RIMBP2: variants seen among roughly 807,000 people sequenced by gnomAD.
RIMBP2 encodes RIMS binding protein 2.
In RIMBP2, 48 loss-of-function variants were observed where a neutral mutation model predicts 118.6. The ratio of observed to expected loss-of-function variants is 0.40; its 90% confidence interval spans 0.32 to 0.51. The LOEUF (loss-of-function observed/expected upper bound fraction) is 0.51, where lower values mean the gene tolerates loss of function less well. RIMBP2 is among the 20% of genes least tolerant of loss of function. RIMBP2 has a pLI of 0.41. For synonymous variants in RIMBP2, 762 were observed against 742.9 expected (o/e 1.03, Z -0.42); for missense variants, 1,551 against 1,768.3 (o/e 0.88, Z 2.20).
At chr12:130,610,972 T>A (rs2060506827) in intron 2 of RIMBP2, among the ~76,000 whole-genome samples, 1 of 152,172 alleles carries the variant, frequency 6.6e-6, no homozygotes, top group Non-Finnish European at 1.5e-5. Context: ...CCACTCTGCC[T>A]CCGAGTTCCC....
chr12:130,639,471 G>A (rs1167801502), intron 1 of RIMBP2, among the ~76,000 whole-genome samples: 19 of 51,174 alleles, frequency 3.7e-4, no homozygotes, highest in African/African-American at 1.5e-3. Flanking sequence ...CAGACTAATA[G>A]AACAAGATCC....
chr12:130,645,665 G>A (rs1168414669), intron 1 of RIMBP2, among the ~76,000 whole-genome samples: 1 of 152,242 alleles, frequency 6.6e-6, no homozygotes, highest in South Asian at 2.1e-4. Context: ...TTAGCCCAAA[G>A]AGCAGAGAGA....
intron 2 of RIMBP2, among the ~76,000 whole-genome samples, chr12:130,565,633 C>T (rs1164737435): frequency 6.6e-6 from 1 of 152,202 alleles, no homozygotes; most frequent in East Asian, 1.9e-4. Context: ...CTCCGAGATT[C>T]CTGCTAGTAT....
chr12:130,555,349 T>C (rs960272473), intron 2 of RIMBP2, among the ~76,000 whole-genome samples: 2 of 152,228 alleles, frequency 1.3e-5, no homozygotes, highest in Non-Finnish European at 2.9e-5. Flanking sequence ...CTCCTGGCTA[T>C]GGCAGCAGTT....
At chr12:130,566,031 C>A (rs1459943589) in intron 2 of RIMBP2, among the ~76,000 whole-genome samples, 13 of 152,184 alleles carry the variant, frequency 8.5e-5, no homozygotes, top group Admixed American at 8.5e-4. Flanking sequence ...TGCGATGGAA[C>A]TTGTCATTGA....
intron 9 of RIMBP2, among the ~76,000 whole-genome samples, chr12:130,449,779 C>T (rs887690912): frequency 2.6e-5 from 4 of 151,976 alleles, no homozygotes; most frequent in Non-Finnish European, 5.9e-5. Flanking sequence ...ACAGGGAGGG[C>T]GAGGCGGCCA....
intron 3 of RIMBP2, 116 bp downstream of exon 3, chr12:130,517,712 G>T: frequency 4.1e-6 from 1 of 246,496 alleles, no homozygotes; most frequent in Non-Finnish European, 6.5e-6. Context: ...AGCCTCTCAG[G>T]CCACCTTCAC....
intron 1 of RIMBP2, among the ~76,000 whole-genome samples, chr12:130,659,420 A>C (rs2063559588): frequency 6.6e-6 from 1 of 151,330 alleles, no homozygotes; most frequent in Non-Finnish European, 1.5e-5. Flanking sequence ...AAATACAAAA[A>C]ATTAGCCAGG....
chr12:130,491,137 G>A (rs1247607899), intron 4 of RIMBP2, among the ~76,000 whole-genome samples: 2 of 152,130 alleles, frequency 1.3e-5, no homozygotes, highest in Non-Finnish European at 2.9e-5. Flanking sequence ...ACACATCTGA[G>A]GATTACTAAG....
At chr12:130,482,834 G>C in intron 4 of RIMBP2, among the ~76,000 whole-genome samples, 2 of 144,780 alleles carry the variant, frequency 1.4e-5, no homozygotes, top group African/African-American at 2.6e-5. Flanking sequence ...AGATTCTGCA[G>C]GGGAGGGGGC....
In RIMBP2 at chr12:130,447,786, C is replaced by T. The variant is rs891471712; in HGVS notation, c.581+2414G>A. ...GCCCTCAGCAAGGCGTTCCCCACGGCGGAGGCTGCACCAGATGGAAGGGAG... is the reference window on the plus strand; with the variant it reads ...GCCCTCAGCAAGGCGTTCCCCACGGTGGAGGCTGCACCAGATGGAAGGGAG... On this transcript the variant is annotated intron_variant, in intron 9 of 22. Coordinates refer to ENST00000690449, the MANE Select transcript of RIMBP2 (RefSeq NM_001393629.1). This position sits in a 1 kb window ranked among gnomAD's most constrained non-coding sequence, Gnocchi z 4.4. Among the ~76,000 whole-genome samples the T allele has an allele frequency of 5.3e-5, 8 of 152,154 alleles. No individual in the cohort carries two copies. The highest frequency in any genetic ancestry group is 7.4e-5 in the Non-Finnish European group (5 of 68,008).
chr12:130,414,217 C>A lies in RIMBP2; in HGVS notation c.3328G>T (p.Val1110Leu), dbSNP rs749822801. ...AGCGGGTCGTAGTCAAAGAGAGCCACAAAGATCCGGGCCGGGAGCTCTTCG... is the reference window on the plus strand; with the variant it reads ...AGCGGGTCGTAGTCAAAGAGAGCCAAAAAGATCCGGGCCGGGAGCTCTTCG... ...GAEELPARIF[V>L]ALFDYDPLTM... The change falls in exon 18 of 23, where the codon GTG becomes TTG. Residue 1110 changes from valine to leucine, a missense_variant. Coordinates refer to ENST00000690449, the MANE Select transcript of RIMBP2 (RefSeq NM_001393629.1). 1 of 1,614,204 alleles carries A rather than the reference C, an allele frequency of 6.2e-7. No homozygotes were observed. The highest frequency in any genetic ancestry group is 8.5e-7 in the Non-Finnish European group (1 of 1,180,024).
At chr12:130,521,943 T>C (rs2052175452) in intron 2 of RIMBP2, among the ~76,000 whole-genome samples, 1 of 152,160 alleles carries the variant, frequency 6.6e-6, no homozygotes, top group Non-Finnish European at 1.5e-5. Flanking sequence ...GTGGATGCCC[T>C]CATGAGACAG....
chr12:130,636,981 G>A lies in RIMBP2; in HGVS notation c.-351-8525C>T, dbSNP rs182650014. Among the ~76,000 whole-genome samples, 499 of 152,290 alleles carry A rather than the reference G, an allele frequency of 3.3e-3. 3 individuals are homozygous for A. Among genetic ancestry groups the A allele is most frequent in the Non-Finnish European group, 5.4e-3 (367 of 68,030 alleles). ...ATGGTGTCTTGTCGCCTTGTTCTGG[G>A]TACAGAAGAGCAGAGAATCATGAAG... On this transcript the variant is annotated intron_variant, in intron 1 of 22. Transcript: ENST00000690449.
intron 2 of RIMBP2, among the ~76,000 whole-genome samples, chr12:130,535,738 C>CGT (rs2053981489): frequency 1.5e-5 from 1 of 66,744 alleles, no homozygotes; most frequent in African/African-American, 4.0e-5. Context: ...CATATATATA[C>CGT]ATATATATAT....
At chr12:130,437,491 C>T (rs1268639489) in intron 12 of RIMBP2, among the ~76,000 whole-genome samples, 200 bp from the exon 13 acceptor site, 1 of 152,140 alleles carries the variant, frequency 6.6e-6, no homozygotes, top group African/African-American at 2.4e-5. Flanking sequence ...GACCTCAGGC[C>T]CCAGGACCCA....
chr12:130,598,712 A>G (rs1395139028), intron 2 of RIMBP2, among the ~76,000 whole-genome samples: 1 of 151,546 alleles, frequency 6.6e-6, no homozygotes, highest in Non-Finnish European at 1.5e-5. Flanking sequence ...TGGGCGACTG[A>G]GCAAGACTCC....
At chr12:130,436,555 G>A (rs1191566085) in intron 13 of RIMBP2, among the ~76,000 whole-genome samples, 3 of 152,152 alleles carry the variant, frequency 2.0e-5, no homozygotes, top group Non-Finnish European at 2.9e-5. Flanking sequence ...ACCCCTTGTC[G>A]CACACCAAGG....
At chr12:130,554,079 T>C (rs2056102731) in intron 2 of RIMBP2, among the ~76,000 whole-genome samples, 1 of 152,290 alleles carries the variant, frequency 6.6e-6, no homozygotes, top group Non-Finnish European at 1.5e-5. Flanking sequence ...AACTCATTGA[T>C]CTCGGGAAGC....
Sources: gnomAD v4.1 joint callset for allele counts (sites outside exome capture counted in the v4.1 genomes callset) on GRCh38, gnomAD v4.1.1 for gene constraint, Gnocchi (gnomAD v3.1) non-coding constraint, MANE v1.5 for transcripts, NCBI Gene and HGNC (gene_info 2026-07-23, HGNC 2026-07-21) for gene names.